Variants in TBC1D9 observed in about 807,000 individuals in gnomAD.
TBC1D9 encodes the protein TBC1 domain family member 9, also known as TBC1 domain family member 9A.
Under a neutral mutation model 132.0 loss-of-function variants are expected in TBC1D9, and 63 were observed. The ratio of observed to expected loss-of-function variants is 0.48; its 90% CI spans 0.39 to 0.59. TBC1D9 has a LOEUF of 0.59. Ranked by LOEUF, TBC1D9 falls within the 20% of genes least tolerant of loss-of-function variation. TBC1D9 has a pLI of 0.00. For synonymous variants in TBC1D9, 610 were observed against 609.9 expected (o/e 1.00, Z 0.00); for missense variants, 1,261 against 1,592.7 (o/e 0.79, Z 3.54).
chr4:140,659,682 C>A lies in TBC1D9; in HGVS notation c.1827G>T (p.Val609=). ...YCQAMNIVTS[V]LLLYAKEEEA... is the part of the protein sequence containing the mutation. ...CCTCCTCTTTGGCATAAAGCAGCAG[C>A]ACTGAAGTGACAATATTCATGGCCT... is the stretch of plus-strand genomic sequence containing the variant. Residue 609 remains valine (V), a synonymous_variant, in exon 11 of 21, where the codon GTG becomes GTT. Coordinates refer to ENST00000442267, the MANE Select transcript of TBC1D9 (RefSeq NM_015130.3). 2 of 1,605,808 alleles carry A rather than the reference C, an allele frequency of 1.2e-6. No individual in the cohort carries two copies. The highest frequency in any genetic ancestry group is 1.7e-6 in the Non-Finnish European group (2 of 1,176,070).
chr4:140,753,407 C>A (rs544284263), intron 1 of TBC1D9, among the ~76,000 whole-genome samples: 42 of 152,100 alleles, frequency 2.8e-4, no homozygotes, highest in African/African-American at 1.0e-3. Flanking sequence ...TAGCTGGCTT[C>A]TATTGGGTTC....
chr4:140,642,075 G>C (rs1168905425), intron 13 of TBC1D9: 9 of 700,204 alleles, frequency 1.3e-5, no homozygotes, highest in Non-Finnish European at 2.4e-5. Flanking sequence ...GAGTCCGGGA[G>C]GGGGCGGAGG....
chr4:140,739,369 C>T (rs986830726), intron 1 of TBC1D9, among the ~76,000 whole-genome samples: 2 of 152,160 alleles, frequency 1.3e-5, no homozygotes, highest in African/African-American at 4.8e-5. Context: ...CATCTTCCTC[C>T]CTCCTTTTGT....
At chr4:140,643,523 C>T in intron 13 of TBC1D9, 1 of 878,274 alleles carries the variant, frequency 1.1e-6, no homozygotes, top group Non-Finnish European at 1.8e-6. Flanking sequence ...GGCACTCTCC[C>T]TCCCCGGCGG....
chr4:140,650,751 C>T (rs970643848), intron 13 of TBC1D9, among the ~76,000 whole-genome samples: 6 of 151,934 alleles, frequency 3.9e-5, no homozygotes, highest in Admixed American at 3.3e-4. Context: ...GCCAGGTTGG[C>T]TTCCAACTCC....
At chr4:140,707,939 T>TTACCTTA (rs1738173087) in intron 1 of TBC1D9, among the ~76,000 whole-genome samples, 1 of 152,104 alleles carries the variant, frequency 6.6e-6, no homozygotes, top group South Asian at 2.1e-4. Context: ...TCTTGACTTA[T>TTACCTTA]ATTACACTAA....
At chr4:140,686,152 C>G (rs1170851899) in intron 3 of TBC1D9, among the ~76,000 whole-genome samples, 192 bp downstream of exon 3, 1 of 152,110 alleles carries the variant, frequency 6.6e-6, no homozygotes, top group Admixed American at 6.5e-5. Flanking sequence ...TAGCCCTATT[C>G]TTAGAAAATA....
At chr4:140,669,330 C>T (rs1482479010) in intron 8 of TBC1D9, among the ~76,000 whole-genome samples, 1 of 152,054 alleles carries the variant, frequency 6.6e-6, no homozygotes, top group East Asian at 1.9e-4. Context: ...TGTCTGCACC[C>T]CCAAGTGAAA....
At chr4:140,670,572 C>T in intron 7 of TBC1D9, 148 bp downstream of exon 7, 1 of 632,782 alleles carries the variant, frequency 1.6e-6, no homozygotes, top group Admixed American at 2.9e-5. Context: ...AATACAAAGT[C>T]CTTGAGATTT....
chr4:140,651,802 T>C (rs1046462073), intron 13 of TBC1D9, among the ~76,000 whole-genome samples: 2 of 152,194 alleles, frequency 1.3e-5, no homozygotes, highest in African/African-American at 2.4e-5. Context: ...TGATAATTGT[T>C]GGGACTGGAT....
intron 1 of TBC1D9, among the ~76,000 whole-genome samples, chr4:140,710,258 G>A (rs1022702708): frequency 6.6e-6 from 1 of 152,160 alleles, no homozygotes; most frequent in African/African-American, 2.4e-5. Context: ...AAAAAGTGCT[G>A]GGAATATGAA....
chr4:140,653,772 A>G (rs1298653989), intron 13 of TBC1D9, among the ~76,000 whole-genome samples: 1 of 152,190 alleles, frequency 6.6e-6, no homozygotes, highest in Non-Finnish European at 1.5e-5. Context: ...ACGCACTGAA[A>G]GACCTGGTAA....
chr4:140,687,018 C>T (rs1404557330), intron 2 of TBC1D9, among the ~76,000 whole-genome samples: 1 of 151,974 alleles, frequency 6.6e-6, no homozygotes, highest in East Asian at 1.9e-4. Context: ...AGCACAGTTG[C>T]CTTGAAATGT....
chr4:140,750,664 C>A (rs1334653507), intron 1 of TBC1D9, among the ~76,000 whole-genome samples: 1 of 151,552 alleles, frequency 6.6e-6, no homozygotes, highest in Admixed American at 6.6e-5. Flanking sequence ...AAGGAATATA[C>A]CATGTTCATG....
At chr4:140,696,821 A>C (rs2111035296) in intron 2 of TBC1D9, among the ~76,000 whole-genome samples, 1 of 152,362 alleles carries the variant, frequency 6.6e-6, no homozygotes, top group Non-Finnish European at 1.5e-5. Flanking sequence ...GGATTCTACA[A>C]GGCAGTGATT....
intron 1 of TBC1D9, among the ~76,000 whole-genome samples, chr4:140,704,565 C>T (rs1174354312): frequency 1.3e-5 from 2 of 151,996 alleles, no homozygotes; most frequent in South Asian, 2.1e-4. Context: ...GAGCAGCGGA[C>T]AGGGGCAGTC....
chr4:140,657,251 C>A, intron 12 of TBC1D9, 25 bp from the exon 13 acceptor site: 1 of 1,607,906 alleles, frequency 6.2e-7, no homozygotes, highest in South Asian at 1.1e-5. Flanking sequence ...CATCAGAAGT[C>A]ACAGGAGAAG....
Position 140,721,240 on chromosome 4 carries a change from C to T in TBC1D9, c.131-19626G>A, listed in dbSNP as rs143095831. Among the ~76,000 whole-genome samples the T allele has an allele frequency of 3.5e-4, 54 of 152,292 alleles. 1 individual carries two copies. Among genetic ancestry groups the T allele is most frequent in the African/African-American group, 1.3e-3 (53 of 41,566 alleles). ...ACTAAAATGTACTAGATACGCCACA[C>T]ATACACTATTTCAATTAACCCTTGA... On this transcript the variant is annotated intron_variant, in intron 1 of 20. Transcript: ENST00000442267.
chr4:140,754,335 C>T (rs1238140864), intron 1 of TBC1D9, among the ~76,000 whole-genome samples: 3 of 152,038 alleles, frequency 2.0e-5, no homozygotes, highest in African/African-American at 7.2e-5. Context: ...CTACATGGGC[C>T]GGGTGAGGTG....
Sources: gnomAD v4.1 joint callset for allele counts (sites outside exome capture counted in the v4.1 genomes callset) on GRCh38, gnomAD v4.1.1 for gene constraint, MANE v1.5 for transcripts, NCBI Gene and HGNC (gene_info 2026-07-23, HGNC 2026-07-21) for gene names.